The following SUMF1 variants were observed in gnomAD, a reference collection of about 807,000 sequenced individuals.
The protein encoded by SUMF1 is formylglycine-generating enzyme.
A neutral mutation model predicts 47.6 loss-of-function variants in SUMF1; 48 were observed. The observed-to-expected ratio is 1.01, with a 90% CI of 0.80 to 1.28. The LOEUF (loss-of-function observed/expected upper bound fraction) is 1.28, where lower values mean the gene tolerates loss of function less well. SUMF1 is among the 50% of genes most tolerant of loss of function. The pLI, the probability that SUMF1 is intolerant of heterozygous loss-of-function variation, is 0.00. For missense variants in SUMF1, 571 were observed against 485.4 expected, an observed-to-expected ratio of 1.18 and a Z score of -1.66; for synonymous variants, 230 against 192.1, an observed-to-expected ratio of 1.20 and a Z score of -1.63.
intron 8 of SUMF1, among the ~76,000 whole-genome samples, chr3:4,164,545 T>C (rs1694655358): frequency 6.6e-6 from 1 of 152,142 alleles, no homozygotes; most frequent in Non-Finnish European, 1.5e-5. Flanking sequence ...TTTTAAGGTG[T>C]CCTTGCAAAC....
At chr3:4,168,152 A>C (rs2125120859) in intron 8 of SUMF1, among the ~76,000 whole-genome samples, 1 of 152,252 alleles carries the variant, frequency 6.6e-6, no homozygotes, top group East Asian at 1.9e-4. Flanking sequence ...GATATTTGTT[A>C]ATAGGAATTA....
intron 8 of SUMF1, among the ~76,000 whole-genome samples, chr3:4,293,464 A>G (rs1036664418): frequency 1.1e-4 from 16 of 152,330 alleles, no homozygotes; most frequent in Admixed American, 9.8e-4. Context: ...GAAAAGATAA[A>G]GAGAATAGAA....
intron 8 of SUMF1, among the ~76,000 whole-genome samples, chr3:4,253,863 G>C (rs1258437049): frequency 6.7e-5 from 10 of 149,800 alleles, no homozygotes; most frequent in Non-Finnish European, 1.3e-4. Context: ...AAATGTCCCT[G>C]TCTGACAGCT....
At chr3:4,456,501 G>A (rs1386770866) in intron 1 of SUMF1, among the ~76,000 whole-genome samples, 1 of 145,124 alleles carries the variant, frequency 6.9e-6, no homozygotes, top group East Asian at 2.0e-4. Context: ...GCCCAGGCTG[G>A]AGTGCAGTAG....
chr3:4,199,904 G>A (rs1695505951), intron 8 of SUMF1, among the ~76,000 whole-genome samples: 1 of 151,984 alleles, frequency 6.6e-6, no homozygotes, highest in Non-Finnish European at 1.5e-5. Flanking sequence ...TCAAGTATTT[G>A]CATCCATTCC....
intron 3 of SUMF1, among the ~76,000 whole-genome samples, chr3:4,444,498 A>T (rs1702713237): frequency 6.6e-6 from 1 of 152,340 alleles, no homozygotes; most frequent in East Asian, 1.9e-4. Flanking sequence ...TAGGGGAGAA[A>T]CAGGAAAAGC....
intron 8 of SUMF1, among the ~76,000 whole-genome samples, chr3:4,230,358 T>G (rs1192325916): frequency 6.6e-6 from 1 of 152,120 alleles, no homozygotes; most frequent in Non-Finnish European, 1.5e-5. Flanking sequence ...AACAGTTTGG[T>G]CTGTCTTGGC....
At chr3:4,222,084 A>C (rs1476364137) in intron 8 of SUMF1, among the ~76,000 whole-genome samples, 1 of 152,132 alleles carries the variant, frequency 6.6e-6, no homozygotes, top group African/African-American at 2.4e-5. Context: ...CAAATATATA[A>C]TAAGATTTCA....
At chr3:4,331,654 C>A (rs770729442) in intron 8 of SUMF1, among the ~76,000 whole-genome samples, 2 of 152,254 alleles carry the variant, frequency 1.3e-5, no homozygotes, top group African/African-American at 2.4e-5. Context: ...CATGGTGAAA[C>A]CCTGTCTCTA....
chr3:4,388,003 TG>T (rs1342802814), intron 7 of SUMF1, among the ~76,000 whole-genome samples: 1 of 152,070 alleles, frequency 6.6e-6, no homozygotes, highest in East Asian at 1.9e-4. Flanking sequence ...TGGTCTAACT[TG>T]GTATATGTTC....
rs142629700 is a variant in SUMF1 at position 4,105,879 on chromosome 3, T to G, written c.1015-37134A>C. Among the ~76,000 whole-genome samples, 3 of 152,254 alleles carry G rather than the reference T, an allele frequency of 2.0e-5. No homozygotes were observed. The East Asian group carries it at 5.8e-4, about 29-fold the overall frequency. ...CATTATTATTCTAACAATACAATTA[T>G]AAAATGATATGTGGTTTATTTAATA... On this transcript the variant is annotated intron_variant and NMD_transcript_variant, in intron 8 of 12. Transcript: ENST00000448413.
intron 7 of SUMF1, among the ~76,000 whole-genome samples, chr3:4,378,181 T>TA: frequency 6.6e-6 from 1 of 152,220 alleles, no homozygotes. Flanking sequence ...TAGCCTACCT[T>TA]AAACATGTTC....
chr3:4,246,267 C>G (rs1286022192), intron 8 of SUMF1, among the ~76,000 whole-genome samples: 1 of 152,104 alleles, frequency 6.6e-6, no homozygotes, highest in African/African-American at 2.4e-5. Context: ...TGGGCTGCAC[C>G]CACTGTCCAA....
intron 8 of SUMF1, among the ~76,000 whole-genome samples, chr3:4,261,605 T>TA (rs969285607): frequency 6.6e-6 from 1 of 152,190 alleles, no homozygotes; most frequent in African/African-American, 2.4e-5. Flanking sequence ...ATCTGCAGTG[T>TA]AACTGGAGCT....
chr3:4,114,999 C>G (rs1018338746), intron 8 of SUMF1, among the ~76,000 whole-genome samples: 2 of 151,894 alleles, frequency 1.3e-5, no homozygotes, highest in East Asian at 3.9e-4. Flanking sequence ...TAGGTGAGGA[C>G]AGGCACTCCT....
chr3:4,177,839 TA>T (rs1695001055), intron 8 of SUMF1, among the ~76,000 whole-genome samples: 1 of 151,790 alleles, frequency 6.6e-6, no homozygotes, highest in African/African-American at 2.4e-5. Flanking sequence ...ATAGATGAAA[TA>T]AAAAATGATA....
At chr3:4,041,023 C>T (rs1346145714) in intron 9 of SUMF1, among the ~76,000 whole-genome samples, 1 of 152,162 alleles carries the variant, frequency 6.6e-6, no homozygotes. Flanking sequence ...CCAAAGAGTG[C>T]CTTCCTCCTG....
intron 1 of SUMF1, among the ~76,000 whole-genome samples, chr3:4,464,883 C>G (rs1327585035): frequency 1.3e-5 from 2 of 152,074 alleles, no homozygotes; most frequent in African/African-American, 4.8e-5. Context: ...TGCCCCTAAG[C>G]ATTGTAGAAA....
At chr3:4,175,293 C>T (rs749605598) in intron 8 of SUMF1, among the ~76,000 whole-genome samples, 9 of 152,102 alleles carry the variant, frequency 5.9e-5, no homozygotes, top group Non-Finnish European at 8.8e-5. Context: ...GGTCGACAGT[C>T]ACCTCATACA....
Sources: gnomAD v4.1 joint callset for allele counts (sites outside exome capture counted in the v4.1 genomes callset) on GRCh38, gnomAD v4.1.1 for gene constraint, MANE v1.5 for transcripts, NCBI Gene and HGNC (gene_info 2026-07-23, HGNC 2026-07-21) for gene names.